The following RALGPS2 variants were observed in gnomAD, a reference collection of about 807,000 sequenced individuals.
RALGPS2 encodes the protein ras-specific guanine nucleotide-releasing factor RalGPS2.
A neutral mutation model predicts 86.8 loss-of-function variants in RALGPS2; 43 were observed. The observed-to-expected ratio is 0.50, with a 90% CI of 0.39 to 0.64. The LOEUF (loss-of-function observed/expected upper bound fraction) is 0.64. RALGPS2 is among the 30% of genes least tolerant of loss of function. The probability of loss-of-function intolerance (pLI) is 0.00; values close to 1 mark genes in which losing one functional copy is unlikely to be tolerated. For synonymous variants in RALGPS2, 243 were observed against 231.3 expected (o/e 1.05, Z -0.46); for missense variants, 536 against 694.6 (o/e 0.77, Z 2.57).
At chr1:178,806,524 C>A (rs767753212) in intron 4 of RALGPS2, among the ~76,000 whole-genome samples, 1 of 152,052 alleles carries the variant, frequency 6.6e-6, no homozygotes, top group Non-Finnish European at 1.5e-5. Flanking sequence ...ACATTTTACT[C>A]CTATCATTAA....
At chr1:178,730,589 A>G (rs1650281023) in intron 1 of RALGPS2, among the ~76,000 whole-genome samples, 1 of 151,922 alleles carries the variant, frequency 6.6e-6, no homozygotes, top group Non-Finnish European at 1.5e-5. Context: ...AAAAAAATGA[A>G]AATTCTTCTT....
At chr1:178,907,105 C>T (rs1419333791) in intron 19 of RALGPS2, among the ~76,000 whole-genome samples, 8 of 152,126 alleles carry the variant, frequency 5.3e-5, no homozygotes, top group East Asian at 1.9e-4. Flanking sequence ...AAACAATAGA[C>T]GTATGTGATA....
intron 4 of RALGPS2, among the ~76,000 whole-genome samples, chr1:178,802,563 A>G (rs777204226): frequency 7.9e-5 from 12 of 152,180 alleles, no homozygotes; most frequent in Non-Finnish European, 1.5e-4. Context: ...TCATGTGGAG[A>G]TAAGTAGTGT....
At chr1:178,815,545 T>C (rs1002132990) in intron 6 of RALGPS2, among the ~76,000 whole-genome samples, 7 of 152,212 alleles carry the variant, frequency 4.6e-5, no homozygotes, top group African/African-American at 1.7e-4. Flanking sequence ...TGATCCTTAA[T>C]TTCTGTCTTG....
chr1:178,850,933 A>C, intron 8 of RALGPS2: 1 of 439,134 alleles, frequency 2.3e-6, no homozygotes, highest in Non-Finnish European at 3.9e-6. Flanking sequence ...GGTTGTGGAT[A>C]CACATAATTT....
chr1:178,797,114 G>C (rs946220190), intron 4 of RALGPS2, among the ~76,000 whole-genome samples: 2 of 152,088 alleles, frequency 1.3e-5, no homozygotes, highest in African/African-American at 4.8e-5. Context: ...AGCATCCTTT[G>C]AGTTGTTGAG....
At chr1:178,777,779 A>T (rs529323167) in intron 2 of RALGPS2, among the ~76,000 whole-genome samples, 76 of 152,210 alleles carry the variant, frequency 5.0e-4, no homozygotes, top group African/African-American at 1.8e-3. Flanking sequence ...CCTGAGAAAA[A>T]CAAGCAACGG....
At chr1:178,799,573 T>C (rs750902038) in intron 4 of RALGPS2, among the ~76,000 whole-genome samples, 9 of 152,078 alleles carry the variant, frequency 5.9e-5, no homozygotes, top group Admixed American at 1.3e-4. Context: ...TCTTTGGATG[T>C]AAAATAATAA....
At chr1:178,808,912 G>A (rs1572353891) in intron 5 of RALGPS2, among the ~76,000 whole-genome samples, 1 of 152,006 alleles carries the variant, frequency 6.6e-6, no homozygotes, top group Non-Finnish European at 1.5e-5. Flanking sequence ...TGTCACCCAA[G>A]CTGGAGTACA....
chr1:178,881,814 A>T (rs1222177181), intron 10 of RALGPS2, among the ~76,000 whole-genome samples: 1 of 152,188 alleles, frequency 6.6e-6, no homozygotes, highest in Non-Finnish European at 1.5e-5. Context: ...TGTTTGAAAA[A>T]TAGAGCATTT....
intron 8 of RALGPS2, among the ~76,000 whole-genome samples, chr1:178,862,370 G>C (rs962931655): frequency 6.6e-6 from 1 of 152,032 alleles, no homozygotes; most frequent in Non-Finnish European, 1.5e-5. Context: ...TTTAGCAACT[G>C]CAGGTAAGAC....
chr1:178,784,694 G>A (rs937404357), intron 3 of RALGPS2, among the ~76,000 whole-genome samples, 172 bp downstream of exon 3: 2 of 152,014 alleles, frequency 1.3e-5, no homozygotes, highest in African/African-American at 4.8e-5. Flanking sequence ...AGTGGGAAAA[G>A]TAAGAAAAGC....
intron 4 of RALGPS2, among the ~76,000 whole-genome samples, chr1:178,794,865 G>A (rs1654114808): frequency 6.6e-6 from 1 of 152,120 alleles, no homozygotes; most frequent in Admixed American, 6.6e-5. Flanking sequence ...ATATCTGAAA[G>A]TCTGACATAT....
At chr1:178,859,695 CTTTTTTTTTTT>C (rs1190050936) in intron 8 of RALGPS2, among the ~76,000 whole-genome samples, 1 of 108,252 alleles carries the variant, frequency 9.2e-6, no homozygotes, top group East Asian at 3.1e-4. Flanking sequence ...ACACGAAGCA[CTTTTTTTTTTT>C]TTTTTTTTTT....
chr1:178,886,712 A>C (rs1244617840), intron 13 of RALGPS2, among the ~76,000 whole-genome samples: 9 of 152,220 alleles, frequency 5.9e-5, no homozygotes, highest in African/African-American at 2.2e-4. Flanking sequence ...ACATTCTCAC[A>C]TTTAGAAGTC....
At chr1:178,849,774 A>G (rs1197582004) in intron 8 of RALGPS2, 1 of 152,244 alleles carries the variant, frequency 6.6e-6, no homozygotes, top group Non-Finnish European at 1.5e-5. Flanking sequence ...GATGAAAAAC[A>G]TTGGTCATGT....
intron 8 of RALGPS2, among the ~76,000 whole-genome samples, chr1:178,857,047 G>A (rs764230942): frequency 1.4e-4 from 22 of 152,068 alleles, no homozygotes; most frequent in Non-Finnish European, 8.8e-5. Context: ...AACATGCATT[G>A]TAGTCAAGTA....
At chr1:178,805,960 T>C (rs1055837124) in intron 4 of RALGPS2, among the ~76,000 whole-genome samples, 1 of 152,126 alleles carries the variant, frequency 6.6e-6, no homozygotes, top group African/African-American at 2.4e-5. Context: ...TTTTTCACTT[T>C]CAGAAACAGA....
chr1:178,772,774 TTTAAC>T (rs1445041894), intron 1 of RALGPS2, among the ~76,000 whole-genome samples: 2 of 152,194 alleles, frequency 1.3e-5, no homozygotes, highest in African/African-American at 4.8e-5. Context: ...GCAAAACAAT[TTTAAC>T]TTAAGTGAAT....
Sources: gnomAD v4.1 joint callset for allele counts (sites outside exome capture counted in the v4.1 genomes callset) on GRCh38, gnomAD v4.1.1 for gene constraint, MANE v1.5 for transcripts, NCBI Gene and HGNC (gene_info 2026-07-23, HGNC 2026-07-21) for gene names.